The following CDK14 variants were observed in gnomAD, a reference collection of about 807,000 sequenced individuals.
The protein encoded by CDK14 is cyclin-dependent kinase 14.
CDK14 carries 34 observed loss-of-function variants against 60.7 expected under a neutral mutation model. The ratio of observed to expected loss-of-function variants is 0.56; its 90% CI spans 0.43 to 0.75. The LOEUF (loss-of-function observed/expected upper bound fraction) is 0.75, where lower values mean the gene tolerates loss of function less well. CDK14 is among the 30% of genes least tolerant of loss of function. The pLI, the probability that CDK14 is intolerant of heterozygous loss-of-function variation, is 0.00. For missense variants in CDK14, 482 were observed against 564.1 expected, an observed-to-expected ratio of 0.85 and a Z score of 1.47; for synonymous variants, 197 against 203.7, an observed-to-expected ratio of 0.97 and a Z score of 0.28.
chr7:91,015,096 A>C (rs3808292), intron 10 of CDK14, among the ~76,000 whole-genome samples: 2 of 151,858 alleles, frequency 1.3e-5, no homozygotes, highest in African/African-American at 4.8e-5. Flanking sequence ...GCCTTAATCT[A>C]TTTGTGTTTT....
At chr7:91,177,411 A>G (rs1220692750) in intron 14 of CDK14, among the ~76,000 whole-genome samples, 378 of 129,614 alleles carry the variant, frequency 2.9e-3, no homozygotes, top group African/African-American at 5.4e-3. Flanking sequence ...AGACAGGGAT[A>G]CCCTCTCTCA....
At chr7:90,625,787 G>C (rs1197106289) in intron 2 of CDK14, among the ~76,000 whole-genome samples, 2 of 152,188 alleles carry the variant, frequency 1.3e-5, no homozygotes, top group African/African-American at 4.8e-5. Flanking sequence ...CCCCGGCCAG[G>C]AATGAGAGGA....
chr7:90,861,901 A>G (rs1435904235), intron 5 of CDK14, among the ~76,000 whole-genome samples: 1 of 152,244 alleles, frequency 6.6e-6, no homozygotes, highest in Non-Finnish European at 1.5e-5. Flanking sequence ...TTTGGTTGCA[A>G]AAACTCTTGC....
chr7:90,641,827 CA>C (rs1421375076), intron 2 of CDK14, among the ~76,000 whole-genome samples: 2 of 152,070 alleles, frequency 1.3e-5, no homozygotes, highest in African/African-American at 4.8e-5. Context: ...GGGCAATTTA[CA>C]AAAGAAAAAG....
intron 14 of CDK14, among the ~76,000 whole-genome samples, chr7:91,202,378 A>T (rs1311372697): frequency 6.6e-6 from 1 of 152,218 alleles, no homozygotes; most frequent in African/African-American, 2.4e-5. Flanking sequence ...GGCATCCACT[A>T]ATCTTATGAT....
intron 12 of CDK14, among the ~76,000 whole-genome samples, chr7:91,081,874 A>T (rs1476197914): frequency 6.6e-6 from 1 of 152,128 alleles, no homozygotes; most frequent in African/African-American, 2.4e-5. Context: ...AATCTTAATT[A>T]TGCGATTGAG....
At chr7:90,997,472 A>T (rs1437321630) in intron 10 of CDK14, among the ~76,000 whole-genome samples, 1 of 152,164 alleles carries the variant, frequency 6.6e-6, no homozygotes, top group Non-Finnish European at 1.5e-5. Flanking sequence ...ATAGATGCAA[A>T]TTCATGCTTT....
chr7:91,164,090 G>A (rs546821183), intron 14 of CDK14, among the ~76,000 whole-genome samples: 2 of 152,142 alleles, frequency 1.3e-5, no homozygotes, highest in South Asian at 4.1e-4. Flanking sequence ...TGCTTGACAG[G>A]GCACGTAGCA....
chr7:90,795,557 A>G (rs1029058143), intron 5 of CDK14, among the ~76,000 whole-genome samples: 10 of 151,858 alleles, frequency 6.6e-5, no homozygotes, highest in Non-Finnish European at 7.4e-5. Context: ...AGTAAAGGCA[A>G]AAAAAGTAGT....
intron 9 of CDK14, chr7:90,979,283 A>G (rs1256611027): frequency 6.6e-6 from 1 of 152,132 alleles, no homozygotes; most frequent in Non-Finnish European, 1.5e-5. Flanking sequence ...CTCTTTTTAG[A>G]CTTTTCTTCT....
chr7:90,635,606 T>G (rs1800125087), intron 2 of CDK14, among the ~76,000 whole-genome samples: 2 of 152,210 alleles, frequency 1.3e-5, no homozygotes, highest in South Asian at 4.1e-4. Context: ...AGGATTGACT[T>G]GGCAATGCGG....
chr7:90,609,185 T>C (rs1799484582), intron 2 of CDK14, among the ~76,000 whole-genome samples: 2 of 152,056 alleles, frequency 1.3e-5, no homozygotes, highest in Admixed American at 1.3e-4. Context: ...CACCACCACC[T>C]GGCTAATTTT....
intron 2 of CDK14, among the ~76,000 whole-genome samples, chr7:90,650,895 C>G (rs1251006704): frequency 6.6e-6 from 1 of 152,142 alleles, no homozygotes; most frequent in East Asian, 1.9e-4. Flanking sequence ...TATTGTGATG[C>G]CTCCAGCTTT....
At chr7:90,638,060 C>T (rs1800202996) in intron 2 of CDK14, among the ~76,000 whole-genome samples, 1 of 150,214 alleles carries the variant, frequency 6.7e-6, no homozygotes, top group Non-Finnish European at 1.5e-5. Flanking sequence ...ATACAACACA[C>T]TGATGGGTCT....
At chr7:91,175,363 T>C (rs940721924) in intron 14 of CDK14, among the ~76,000 whole-genome samples, 3 of 151,492 alleles carry the variant, frequency 2.0e-5, no homozygotes, top group African/African-American at 7.3e-5. Context: ...CATGCCAAAA[T>C]GTAAAGACCA....
intron 8 of CDK14, among the ~76,000 whole-genome samples, chr7:90,946,535 T>C (rs930683113): frequency 6.6e-6 from 1 of 152,196 alleles, no homozygotes; most frequent in Non-Finnish European, 1.5e-5. Flanking sequence ...ACCCAAAGCT[T>C]TTTTTTCTTG....
chr7:90,812,675 T>C (rs143034783), intron 5 of CDK14, among the ~76,000 whole-genome samples: 17 of 152,156 alleles, frequency 1.1e-4, no homozygotes, highest in Non-Finnish European at 2.4e-4. Flanking sequence ...GTTTTCAAAG[T>C]TGTTAATCAT....
At chr7:90,776,564 A>G (rs1287503700) in intron 4 of CDK14, among the ~76,000 whole-genome samples, 1 of 152,198 alleles carries the variant, frequency 6.6e-6, no homozygotes, top group African/African-American at 2.4e-5. Flanking sequence ...CACAGGGGTC[A>G]TGGGGATAGA....
intron 8 of CDK14, among the ~76,000 whole-genome samples, chr7:90,920,280 C>T (rs1313334027): frequency 6.6e-6 from 1 of 152,020 alleles, no homozygotes; most frequent in Non-Finnish European, 1.5e-5. Context: ...TTTGTCTTAC[C>T]TTTTTTCCTT....
Sources: gnomAD v4.1 joint callset for allele counts (sites outside exome capture counted in the v4.1 genomes callset) on GRCh38, gnomAD v4.1.1 for gene constraint, MANE v1.5 for transcripts, NCBI Gene and HGNC (gene_info 2026-07-23, HGNC 2026-07-21) for gene names.